FAM81A: variants seen among roughly 807,000 people sequenced by gnomAD.
FAM81A encodes the protein family with sequence similarity 81 member A.
FAM81A carries 19 observed loss-of-function variants against 46.7 expected under a neutral mutation model. The observed-to-expected ratio is 0.41, with a 90% CI of 0.28 to 0.60. FAM81A has a LOEUF of 0.60. Ranked by LOEUF, FAM81A falls within the 20% of genes least tolerant of loss-of-function variation. The pLI is 0.34. For synonymous variants in FAM81A, 183 were observed against 152.9 expected, an observed-to-expected ratio of 1.20 and a Z score of -1.45; for missense variants, 377 against 453.5, an observed-to-expected ratio of 0.83 and a Z score of 1.53.
intron 6 of FAM81A, among the ~76,000 whole-genome samples, chr15:59,509,575 G>C (rs991614884): frequency 2.6e-5 from 4 of 152,174 alleles, no homozygotes; most frequent in African/African-American, 4.8e-5. Context: ...AAGGCCATGT[G>C]ACAATGGAAG....
intron 3 of FAM81A, among the ~76,000 whole-genome samples, chr15:59,470,015 T>C (rs139691824): frequency 0.011 from 1,695 of 152,306 alleles, 31 homozygotes; most frequent in African/African-American, 0.04. Context: ...TTCTTTTCTT[T>C]AAGAATGTTG....
At chr15:59,428,326 T>C (rs576051455) in intron 2 of FAM81A, among the ~76,000 whole-genome samples, 1 of 152,212 alleles carries the variant, frequency 6.6e-6, no homozygotes, top group African/African-American at 2.4e-5. Flanking sequence ...ATGAGTCCTC[T>C]ACTTAATCCA....
At chr15:59,494,197 C>T (rs2082010731) in intron 4 of FAM81A, among the ~76,000 whole-genome samples, 1 of 152,220 alleles carries the variant, frequency 6.6e-6, no homozygotes, top group Non-Finnish European at 1.5e-5. Flanking sequence ...ACCTTGACTC[C>T]TTGTTTATGC....
chr15:59,440,408 G>A (rs1418535242), intron 1 of FAM81A, among the ~76,000 whole-genome samples: 13 of 151,936 alleles, frequency 8.6e-5, no homozygotes, highest in African/African-American at 2.4e-4. Context: ...GGTACAGTGG[G>A]GATCTCTTCA....
chr15:59,489,306 C>CATAT (rs1410522543), intron 3 of FAM81A, among the ~76,000 whole-genome samples: 2,809 of 144,696 alleles, frequency 0.019, 34 homozygotes, highest in Non-Finnish European at 0.028. Flanking sequence ...TACATACATA[C>CATAT]ATACATATAT....
Position 59,459,971 on chromosome 15 carries a change from C to A in FAM81A, c.59C>A (p.Thr20Asn). Residue 20 changes from threonine to asparagine, a missense_variant, in exon 3 of 9, where the codon ACC becomes AAC. Coordinates refer to ENST00000288228, the MANE Select transcript of FAM81A (RefSeq NM_152450.3). ...RTMPRHSQSL[T>N]MAPYSSVSLV... ...ATGCCCCGACACAGCCAGTCCCTGA[C>A]CATGGCACCATACTCATCTGTAAGC... The A allele has an allele frequency of 6.2e-7, 1 of 1,611,358 alleles. No homozygotes were observed. The highest frequency in any genetic ancestry group is 8.5e-7 in the Non-Finnish European group (1 of 1,178,670).
intron 3 of FAM81A, among the ~76,000 whole-genome samples, chr15:59,467,335 A>G (rs1235075148): frequency 1.3e-5 from 2 of 152,172 alleles, no homozygotes; most frequent in Non-Finnish European, 2.9e-5. Flanking sequence ...CTTCCTATCC[A>G]TGAGCATGGA....
chr15:59,518,943 C>CTG (rs34494392), intron 8 of FAM81A, among the ~76,000 whole-genome samples: 65,286 of 142,932 alleles, frequency 0.46, 15,997 homozygotes, highest in Non-Finnish European at 0.58. Flanking sequence ...GTGTGTGTGT[C>CTG]TGTGTGTGTG....
chr15:59,427,552 C>A (rs1567040560), intron 2 of FAM81A, among the ~76,000 whole-genome samples: 2 of 152,102 alleles, frequency 1.3e-5, no homozygotes, highest in Non-Finnish European at 2.9e-5. Context: ...CCCCGCTAGG[C>A]CCCACTCTCC....
At chr15:59,462,034 T>C (rs2141649818) in intron 3 of FAM81A, among the ~76,000 whole-genome samples, 1 of 151,952 alleles carries the variant, frequency 6.6e-6, no homozygotes, top group Non-Finnish European at 1.5e-5. Context: ...AAACCCCATC[T>C]CTACTAAAAA....
chr15:59,516,459 T>G (rs140724003), intron 7 of FAM81A, among the ~76,000 whole-genome samples, 186 bp from the exon 8 acceptor site: 2 of 152,282 alleles, frequency 1.3e-5, no homozygotes, highest in Non-Finnish European at 2.9e-5. Context: ...TTGAATGACC[T>G]TGTACCCAGC....
intron 3 of FAM81A, among the ~76,000 whole-genome samples, chr15:59,469,448 T>C (rs1292798872): frequency 1.3e-5 from 2 of 152,158 alleles, no homozygotes; most frequent in Non-Finnish European, 2.9e-5. Context: ...TGAATTGATC[T>C]CTTTACCATT....
intron 7 of FAM81A, among the ~76,000 whole-genome samples, 152 bp downstream of exon 7, chr15:59,514,576 G>C (rs796514057): frequency 2.0e-5 from 3 of 152,178 alleles, no homozygotes; most frequent in African/African-American, 7.2e-5. Context: ...TTGATGCTTT[G>C]TATTCTTCAT....
chr15:59,457,574 A>G (rs1398947758), intron 1 of FAM81A, among the ~76,000 whole-genome samples: 4 of 152,218 alleles, frequency 2.6e-5, no homozygotes, highest in South Asian at 2.1e-4. Flanking sequence ...ACTGTAGTCT[A>G]TATGGCAGAA....
intron 2 of FAM81A, among the ~76,000 whole-genome samples, chr15:59,432,506 C>T (rs1473581902): frequency 6.6e-6 from 1 of 152,194 alleles, no homozygotes. Flanking sequence ...TTTTCCTCCT[C>T]AGTCTCATTT....
intron 2 of FAM81A, among the ~76,000 whole-genome samples, chr15:59,459,333 A>C (rs1180878064): frequency 6.6e-6 from 1 of 152,202 alleles, no homozygotes; most frequent in Non-Finnish European, 1.5e-5. Context: ...TAACATTTTA[A>C]AATCAAGCGA....
At chr15:59,442,133 C>T (rs575517073) in intron 1 of FAM81A, among the ~76,000 whole-genome samples, 1 of 152,282 alleles carries the variant, frequency 6.6e-6, no homozygotes, top group African/African-American at 2.4e-5. Flanking sequence ...ACTTTTAACC[C>T]TGTTTACCCA....
At chr15:59,484,700 G>A (rs749524195) in intron 3 of FAM81A, among the ~76,000 whole-genome samples, 7 of 152,214 alleles carry the variant, frequency 4.6e-5, no homozygotes, top group Admixed American at 2.0e-4. Context: ...CACAGCCGTG[G>A]TGGCTGTGAG....
chr15:59,454,283 A>G (rs1382415920), intron 1 of FAM81A, among the ~76,000 whole-genome samples: 2 of 152,208 alleles, frequency 1.3e-5, no homozygotes, highest in Non-Finnish European at 2.9e-5. Flanking sequence ...TGAAAAATTA[A>G]CTGTTTTTAC....
Sources: gnomAD v4.1 joint callset for allele counts (sites outside exome capture counted in the v4.1 genomes callset) on GRCh38, gnomAD v4.1.1 for gene constraint, MANE v1.5 for transcripts, NCBI Gene and HGNC (gene_info 2026-07-23, HGNC 2026-07-21) for gene names.